CDYL: variants seen among roughly 807,000 people sequenced by gnomAD.
CDYL encodes chromodomain Y like.
Under a neutral mutation model 47.3 loss-of-function variants are expected in CDYL, and 8 were observed. That is an observed-to-expected ratio of 0.17 (90% CI 0.10 to 0.31). The LOEUF is 0.31. CDYL is among the 10% of genes least tolerant of loss of function. CDYL has a pLI of 1.00. For missense variants in CDYL, 471 were observed against 701.4 expected, an observed-to-expected ratio of 0.67 and a Z score of 3.71; for synonymous variants, 266 against 265.0, an observed-to-expected ratio of 1.00 and a Z score of -0.04.
chr6:4,761,714 A>C (rs1359596781), intron 3 of CDYL, among the ~76,000 whole-genome samples: 5 of 152,214 alleles, frequency 3.3e-5, no homozygotes, highest in Admixed American at 3.3e-4. Flanking sequence ...ACCTACTCTA[A>C]TTAGCAAAAT....
rs1219474637 is a variant in CDYL, at chr6:4,902,366, A to G, written c.691+9987A>G. 3.3e-5 allele frequency among the ~76,000 whole-genome samples: 5 copies of G among 150,076 alleles called. No homozygotes were observed. The East Asian group carries it at 1.0e-3, about 30-fold the overall frequency. On this transcript the variant is annotated intron_variant, in intron 2 of 6. Coordinates refer to ENST00000397588, the MANE Select transcript of CDYL (RefSeq NM_004824.4). ...GGTTGCAGTGAGCCAAGATCGCACCATTGCACTCCAGTCTGGGCAACGAGT... is the reference window on the plus strand; with the variant it reads ...GGTTGCAGTGAGCCAAGATCGCACCGTTGCACTCCAGTCTGGGCAACGAGT...
At chr6:4,839,584 T>G (rs1561663327) in intron 1 of CDYL, among the ~76,000 whole-genome samples, 1 of 152,200 alleles carries the variant, frequency 6.6e-6, no homozygotes. Context: ...CCATCTTGAG[T>G]TGATTTTTGT....
intron 1 of CDYL, among the ~76,000 whole-genome samples, chr6:4,785,817 A>G (rs1336573949): frequency 6.6e-6 from 1 of 152,178 alleles, no homozygotes; most frequent in African/African-American, 2.4e-5. Flanking sequence ...TTGGTAAAGG[A>G]AAAGGCTCTG....
intron 5 of CDYL, among the ~76,000 whole-genome samples, chr6:4,949,820 C>A (rs888326260): frequency 1.3e-5 from 2 of 152,206 alleles, no homozygotes; most frequent in Admixed American, 1.3e-4. Context: ...TTGTTGTTTT[C>A]TTGGGTGACT....
intron 1 of CDYL, among the ~76,000 whole-genome samples, chr6:4,831,795 G>C (rs149173133): frequency 0.026 from 4,031 of 152,220 alleles, 181 homozygotes; most frequent in African/African-American, 0.091. Flanking sequence ...CTTCACGTCC[G>C]TTGTAAGGTG....
At chr6:4,843,095 T>C (rs1033666108) in intron 1 of CDYL, among the ~76,000 whole-genome samples, 2 of 152,208 alleles carry the variant, frequency 1.3e-5, no homozygotes, top group South Asian at 4.1e-4. Flanking sequence ...TCTTGGCTTA[T>C]AATTGTTTTG....
At chr6:4,766,165 T>G (rs756059434) in intron 3 of CDYL, among the ~76,000 whole-genome samples, 1 of 152,176 alleles carries the variant, frequency 6.6e-6, no homozygotes, top group African/African-American at 2.4e-5. Flanking sequence ...AATGGACAAA[T>G]TGACACAGAA....
In CDYL at chr6:4,842,142, ATTAC is replaced by A. The variant is rs551538670; in HGVS notation, c.25-49567_25-49564del. On this transcript the variant is annotated intron_variant, in intron 1 of 6. Transcript: ENST00000397588. Reference sequence around the variant, plus strand: ...TATAAACTTGTTAATATAAAATTATATTACTTATATATTATAAATATATTATATT... The same window carrying A: ...TATAAACTTGTTAATATAAAATTATATTATATATTATAAATATATTATATT... Among the ~76,000 whole-genome samples, 539 of 144,206 alleles carry A rather than the reference ATTAC, an allele frequency of 3.7e-3. 4 individuals are homozygous for A. The highest frequency in any genetic ancestry group is 0.013 in the African/African-American group (515 of 39,796). 94.6% of individuals were successfully genotyped at this position (144,206 alleles called of 152,430 possible).
At chr6:4,860,803 A>G (rs974370648) in intron 1 of CDYL, among the ~76,000 whole-genome samples, 5 of 152,076 alleles carry the variant, frequency 3.3e-5, no homozygotes, top group African/African-American at 1.2e-4. Flanking sequence ...AACATCCAGC[A>G]TGGAGAAAGA....
chr6:4,941,912 T>G (rs928931623), intron 4 of CDYL, among the ~76,000 whole-genome samples: 1 of 152,216 alleles, frequency 6.6e-6, no homozygotes, highest in Non-Finnish European at 1.5e-5. Flanking sequence ...TGGAAACAGC[T>G]GTTCCTTATC....
chr6:4,721,253 CCTT>C (rs1196707140), intron 2 of CDYL, among the ~76,000 whole-genome samples: 1 of 152,062 alleles, frequency 6.6e-6, no homozygotes, highest in Non-Finnish European at 1.5e-5. Context: ...AGCACGTAGT[CCTT>C]CTCTTATTTC....
chr6:4,716,089 A>C (rs955830730), intron 2 of CDYL, among the ~76,000 whole-genome samples: 2 of 138,730 alleles, frequency 1.4e-5, no homozygotes, highest in Non-Finnish European at 3.1e-5. Context: ...TCTACTAAAA[A>C]TACAAAAAAA....
At chr6:4,897,815 C>A (rs1762330309) in intron 2 of CDYL, among the ~76,000 whole-genome samples, 1 of 90,616 alleles carries the variant, frequency 1.1e-5, no homozygotes, top group Non-Finnish European at 2.5e-5. Context: ...ATTATCCAGG[C>A]ATGAGGCCAA....
At chr6:4,875,790 G>A (rs1231209126) in intron 1 of CDYL, among the ~76,000 whole-genome samples, 1 of 152,038 alleles carries the variant, frequency 6.6e-6, no homozygotes, top group Non-Finnish European at 1.5e-5. Flanking sequence ...GTTATTCAGT[G>A]AATGTTTATA....
chr6:4,876,469 G>A (rs1761623216), intron 1 of CDYL, among the ~76,000 whole-genome samples: 1 of 152,104 alleles, frequency 6.6e-6, no homozygotes, highest in Non-Finnish European at 1.5e-5. Context: ...ATGTATGAAT[G>A]TCCTAGTTGC....
In CDYL at chr6:4,935,840, T is replaced by A. The variant is rs1539004; in HGVS notation, c.948+69T>A. 72 of 1,591,908 alleles carry A rather than the reference T, an allele frequency of 4.5e-5. 1 individual carries two copies. Among genetic ancestry groups the A allele is most frequent in the Non-Finnish European group, 4.9e-5 (57 of 1,169,068 alleles). On this transcript the variant is annotated intron_variant, in intron 3 of 6. Transcript: ENST00000397588. ...TGCCTGATTTCCAGGCCTGCCTGGC[T>A]GAACTGGCTCTTCCTGTGCTCTTTC...
chr6:4,784,957 C>G (rs1042853370), intron 1 of CDYL, among the ~76,000 whole-genome samples: 1 of 152,144 alleles, frequency 6.6e-6, no homozygotes, highest in African/African-American at 2.4e-5. Context: ...GCTCCTCATT[C>G]ACCTTCCTCC....
chr6:4,920,657 C>T (rs1295932895), intron 2 of CDYL, among the ~76,000 whole-genome samples: 1 of 152,182 alleles, frequency 6.6e-6, no homozygotes, highest in Non-Finnish European at 1.5e-5. Flanking sequence ...CTCGCTCTGT[C>T]GCCCAGGCTG....
intron 1 of CDYL, among the ~76,000 whole-genome samples, chr6:4,847,153 C>A (rs1252069444): frequency 1.3e-5 from 2 of 152,234 alleles, no homozygotes; most frequent in Non-Finnish European, 2.9e-5. Flanking sequence ...GCACCAAAAT[C>A]ATCAGTGTGT....
Sources: allele counts gnomAD v4.1 joint callset (sites outside exome capture counted in the v4.1 genomes callset), GRCh38; gene constraint gnomAD v4.1.1; transcripts MANE v1.5; gene names NCBI Gene and HGNC (gene_info 2026-07-23, HGNC 2026-07-21).